ADGRL3: variants seen among roughly 807,000 people sequenced by gnomAD.
ADGRL3 encodes adhesion G protein-coupled receptor L3, also known as calcium-independent alpha-latrotoxin receptor 3.
In ADGRL3, 62 loss-of-function variants were observed where a neutral mutation model predicts 153.5. The ratio of observed to expected loss-of-function variants is 0.40; its 90% CI spans 0.33 to 0.50. The LOEUF is 0.50. Among genes scored for constraint, ADGRL3 ranks in the 20% least tolerant of loss-of-function variants. ADGRL3 has a pLI of 0.47. For synonymous variants in ADGRL3, 710 were observed against 672.5 expected (o/e 1.06, Z -0.86); for missense variants, 1,641 against 1,859.4 (o/e 0.88, Z 2.16).
chr4:61,404,510 A>G (rs1487429813), intron 2 of ADGRL3, among the ~76,000 whole-genome samples: 1 of 152,070 alleles, frequency 6.6e-6, no homozygotes, highest in African/African-American at 2.4e-5. Context: ...CAAACGGTTT[A>G]CCTGAAAAAG....
chr4:61,966,573 G>GGTGTGTGTGT lies in ADGRL3; in HGVS notation c.2806-12966_2806-12957dup, dbSNP rs5858746. ...ACCTTTAAGAAGTACTTTCAAAAGG[G>GGTGTGTGTGT]GTGTGTGTGTGTGTGTGTGTGTGTG... On this transcript the variant is annotated intron_variant, in intron 17 of 26. Coordinates refer to ENST00000683033, the MANE Select transcript of ADGRL3 (RefSeq NM_001387552.1). 2.1e-3 allele frequency among the ~76,000 whole-genome samples: 301 copies of GGTGTGTGTGT among 146,034 alleles called. 3 individuals carry two copies. Among genetic ancestry groups the GGTGTGTGTGT allele is most frequent in the African/African-American group, 6.5e-3 (258 of 39,850 alleles).
chr4:61,920,800 C>A (rs1303012454), intron 13 of ADGRL3, among the ~76,000 whole-genome samples: 34 of 152,118 alleles, frequency 2.2e-4, no homozygotes, highest in Non-Finnish European at 8.8e-5. Context: ...TTAGTACTTT[C>A]CAGGAGTCTC....
At chr4:62,006,003 C>CACACACAA in intron 21 of ADGRL3, among the ~76,000 whole-genome samples, 1 of 49,020 alleles carries the variant, frequency 2.0e-5, no homozygotes, top group Admixed American at 2.9e-4. Context: ...CACACACACA[C>CACACACAA]ATATATATAT....
At chr4:61,915,498 T>C (rs2098741232) in intron 13 of ADGRL3, among the ~76,000 whole-genome samples, 1 of 152,068 alleles carries the variant, frequency 6.6e-6, no homozygotes, top group Admixed American at 6.6e-5. Flanking sequence ...TTTTGGTATT[T>C]AAACCTATGA....
intron 5 of ADGRL3, among the ~76,000 whole-genome samples, chr4:61,604,387 A>T (rs13123888): frequency 0.36 from 54,133 of 152,120 alleles, 12,148 homozygotes; most frequent in Non-Finnish European, 0.5. Flanking sequence ...AATTTCTGGT[A>T]TTATTGCTCT....
intron 5 of ADGRL3, among the ~76,000 whole-genome samples, chr4:61,636,302 C>G (rs1579989585): frequency 6.6e-6 from 1 of 152,210 alleles, no homozygotes; most frequent in East Asian, 1.9e-4. Context: ...TCAATAGAAT[C>G]AGAGGTAGAC....
At chr4:62,050,009 C>T (rs1173821811) in intron 25 of ADGRL3, among the ~76,000 whole-genome samples, 2 of 152,048 alleles carry the variant, frequency 1.3e-5, no homozygotes, top group African/African-American at 4.8e-5. Context: ...CTTGCCCTTG[C>T]TAGTGCCTTC....
rs4315822 is a variant in ADGRL3, at chr4:61,642,523, A to T, written c.474-34303A>T. 1.2e-4 allele frequency among the ~76,000 whole-genome samples: 19 copies of T among 152,050 alleles called. 1 individual carries two copies. In the South Asian group the frequency reaches 2.5e-3, roughly 20 times the overall value. The stretch of plus-strand genomic sequence containing the variant: ...CTACATGTGGCTAGCCAGTTTTCCC[A>T]GCACCATTTATTAAATAGGGAATCC... On this transcript the variant is annotated intron_variant, in intron 5 of 26. Coordinates refer to ENST00000683033, the MANE Select transcript of ADGRL3 (RefSeq NM_001387552.1).
At chr4:61,980,516 T>C (rs1452105983) in intron 18 of ADGRL3, among the ~76,000 whole-genome samples, 1 of 151,826 alleles carries the variant, frequency 6.6e-6, no homozygotes, top group South Asian at 2.1e-4. Context: ...CCTGGCCCAC[T>C]GCAATCTCCA....
rs1221586830 is a variant in ADGRL3, at chr4:62,076,741, T to C, written c.*5833T>C. The C allele has an allele frequency of 6.6e-6, 1 of 151,888 alleles. No homozygotes were observed. Among genetic ancestry groups the C allele is most frequent in the Non-Finnish European group, 1.5e-5 (1 of 67,864 alleles). The allele number at this position is 151,888 out of a possible 1,614,324, so 9.4% of individuals were successfully genotyped here. On this transcript the variant is annotated 3_prime_UTR_variant, in exon 27 of 27. Coordinates refer to ENST00000683033, the MANE Select transcript of ADGRL3 (RefSeq NM_001387552.1). ...CCTTGTCTCAAGGAAACATCAATAT[T>C]TTATAAATGTTTCTTAAATATAAGT...
Position 61,248,184 on chromosome 4 carries a change from G to A in ADGRL3, c.-240+46419G>A, listed in dbSNP as rs552725046. On this transcript the variant is annotated intron_variant, in intron 1 of 26. Transcript: ENST00000683033. ...TTTAGCAGTTAGATCAAGTGCTGCT[G>A]TAGAGTAATTTTTTTTTTTGGTCAT... is the stretch of plus-strand genomic sequence containing the variant. Among the ~76,000 whole-genome samples the A allele has an allele frequency of 2.7e-4, 41 of 152,006 alleles. No homozygotes were observed. In the South Asian group the frequency reaches 7.9e-3, roughly 29 times the overall value.
At chr4:61,791,636 C>T (rs2097342978) in intron 8 of ADGRL3, among the ~76,000 whole-genome samples, 1 of 152,214 alleles carries the variant, frequency 6.6e-6, no homozygotes, top group African/African-American at 2.4e-5. Flanking sequence ...CCAGTAGGGA[C>T]TTTGTGTGGA....
chr4:62,004,649 C>T (rs773653466), intron 21 of ADGRL3, among the ~76,000 whole-genome samples: 4 of 151,908 alleles, frequency 2.6e-5, no homozygotes, highest in Non-Finnish European at 5.9e-5. Flanking sequence ...AGAGATAGTA[C>T]GTTTAAAAAC....
Position 62,070,346 on chromosome 4 carries a change from G to A in ADGRL3, c.4070G>A (p.Arg1357Lys), listed in dbSNP as rs1385355927. 1 of 1,552,416 alleles carries A rather than the reference G, an allele frequency of 6.4e-7. No individual in the cohort carries two copies. Among genetic ancestry groups the A allele is most frequent in the South Asian group, 1.2e-5 (1 of 84,156 alleles). Reference protein sequence around the residue: ...NNHERSSEQNRNLMNKLVNNL... With the variant: ...NNHERSSEQNKNLMNKLVNNL... Reference sequence around the variant, plus strand: ...CATGAGCGCTCCAGTGAACAGAACAGGAATCTGATGAACAAGCTGGTGAAT... The same window carrying A: ...CATGAGCGCTCCAGTGAACAGAACAAGAATCTGATGAACAAGCTGGTGAAT... Residue 1357 changes from arginine (R) to lysine (K), a missense_variant, in exon 27 of 27, where the codon AGG becomes AAG. Physicochemically the swap from Arg to Lys is conservative, Grantham distance 26. Transcript: ENST00000683033.
intron 13 of ADGRL3, among the ~76,000 whole-genome samples, chr4:61,926,900 A>C (rs1434848992): frequency 6.6e-6 from 1 of 152,148 alleles, no homozygotes; most frequent in Admixed American, 6.5e-5. Flanking sequence ...ATTTGTTTTC[A>C]GTTTCTTTGC....
chr4:61,688,581 G>C (rs17090534), intron 6 of ADGRL3, among the ~76,000 whole-genome samples: 4 of 152,016 alleles, frequency 2.6e-5, no homozygotes, highest in Admixed American at 2.0e-4. Flanking sequence ...ATAGCCATTC[G>C]AATTAATACA....
At chr4:62,020,790 A>G (rs2099234264) in intron 21 of ADGRL3, among the ~76,000 whole-genome samples, 1 of 152,066 alleles carries the variant, frequency 6.6e-6, no homozygotes, top group Non-Finnish European at 1.5e-5. Flanking sequence ...TTGCCGTCAT[A>G]TAGTGGACTT....
intron 17 of ADGRL3, among the ~76,000 whole-genome samples, chr4:61,976,982 C>T (rs1438664905): frequency 6.6e-6 from 1 of 152,098 alleles, no homozygotes; most frequent in Non-Finnish European, 1.5e-5. Context: ...TGATGTTTTC[C>T]TGCTAAACAG....
chr4:61,594,862 A>G (rs924422660), intron 5 of ADGRL3, among the ~76,000 whole-genome samples: 1 of 152,144 alleles, frequency 6.6e-6, no homozygotes, highest in Non-Finnish European at 1.5e-5. Flanking sequence ...ATTCTTCTGC[A>G]GCTAAGCTGG....
Sources: allele counts gnomAD v4.1 joint callset (sites outside exome capture counted in the v4.1 genomes callset), GRCh38; gene constraint gnomAD v4.1.1; transcripts MANE v1.5; gene names NCBI Gene and HGNC (gene_info 2026-07-23, HGNC 2026-07-21).